The following ZNF451 variants were observed in gnomAD, a reference collection of about 807,000 sequenced individuals.
ZNF451 encodes zinc finger protein 451, also known as E3 SUMO-protein ligase ZNF451.
Under a neutral mutation model 107.1 loss-of-function variants are expected in ZNF451, and 80 were observed. The observed-to-expected ratio is 0.75, with a 90% confidence interval of 0.62 to 0.90. ZNF451 has a LOEUF of 0.90. Among genes scored for constraint, ZNF451 ranks in the 40% least tolerant of loss-of-function variants. ZNF451 has a pLI of 0.00. For missense variants in ZNF451, 1,107 were observed against 1,236.2 expected, an observed-to-expected ratio of 0.90 and a Z score of 1.57; for synonymous variants, 362 against 406.5, an observed-to-expected ratio of 0.89 and a Z score of 1.32.
At chr6:57,106,123 A>C (rs191866563) in intron 3 of ZNF451, 1 of 985,386 alleles carries the variant, frequency 1.0e-6, no homozygotes, top group East Asian at 1.1e-4. Context: ...CAGGTACTGT[A>C]AACAAGGAGG....
intron 3 of ZNF451, chr6:57,114,782 T>G (rs1414274464): frequency 6.6e-6 from 1 of 152,324 alleles, no homozygotes; most frequent in East Asian, 1.9e-4. Flanking sequence ...TTGTATAGTC[T>G]TCTTCATTAA....
chr6:57,156,684 T>C (rs959793690), intron 13 of ZNF451, among the ~76,000 whole-genome samples: 1 of 152,194 alleles, frequency 6.6e-6, no homozygotes, highest in Non-Finnish European at 1.5e-5. Flanking sequence ...TCTCAACGCT[T>C]CTAGATGCCA....
intron 3 of ZNF451, chr6:57,105,322 A>C: frequency 1.0e-6 from 1 of 983,914 alleles, no homozygotes; most frequent in Non-Finnish European, 1.2e-6. Flanking sequence ...ATGTATATAG[A>C]GACAATATGG....
At chr6:57,097,427 A>G (rs566975100) in intron 2 of ZNF451, among the ~76,000 whole-genome samples, 41 of 152,278 alleles carry the variant, frequency 2.7e-4, no homozygotes, top group African/African-American at 9.6e-4. Context: ...TTCCTCAGCT[A>G]TTATTTCTTC....
Position 57,141,346 on chromosome 6 carries a change from T to A in ZNF451, c.747T>A (p.Ile249=). Residue 249 remains isoleucine (I), a synonymous_variant, in exon 8 of 15, where the codon ATT becomes ATA. Transcript: ENST00000370706. ...DGHNNNLLPQ[I]IQCFACPNCF... ...ATAACAACAACCTTCTTCCTCAGAT[T>A]ATTCAGTGTTTTGCATGTCCAAATT... 1 of 1,612,874 alleles carries A rather than the reference T, an allele frequency of 6.2e-7. No homozygotes were observed. The highest frequency in any genetic ancestry group is 8.5e-7 in the Non-Finnish European group (1 of 1,179,364).
At chr6:57,107,143 G>T (rs1829898688) in intron 3 of ZNF451, 5 of 985,332 alleles carry the variant, frequency 5.1e-6, no homozygotes, top group Non-Finnish European at 6.0e-6. Context: ...ATCTGGAAGT[G>T]GTCATAGTCC....
In ZNF451 at chr6:57,113,891, G is replaced by A. The variant is rs574109963; in HGVS notation, c.187-10843G>A. Among the ~76,000 whole-genome samples the A allele has an allele frequency of 2.0e-5, 3 of 152,232 alleles. No homozygotes were observed. The South Asian group carries it at 6.2e-4, about 32-fold the overall frequency. The stretch of plus-strand genomic sequence containing the variant: ...CCACCTCGGCCTCCCAAAGTGCTGG[G>A]ATTACAGGCGTGATCACGCCACCGC... On this transcript the variant is annotated intron_variant, in intron 3 of 14. Transcript: ENST00000370706.
intron 9 of ZNF451, among the ~76,000 whole-genome samples, chr6:57,146,641 C>T (rs866531185): frequency 1.1e-4 from 17 of 152,088 alleles, no homozygotes; most frequent in Middle Eastern, 3.4e-3. Flanking sequence ...GTTTTTATAC[C>T]AGTACATGTT....
chr6:57,105,214 C>T, intron 3 of ZNF451: 1 of 985,174 alleles, frequency 1.0e-6, no homozygotes, highest in Non-Finnish European at 1.2e-6. Flanking sequence ...TTCTAGGAGG[C>T]CTTGGAATAG....
chr6:57,150,063 G>A (rs1388977601), intron 10 of ZNF451, among the ~76,000 whole-genome samples: 5 of 152,092 alleles, frequency 3.3e-5, no homozygotes, highest in Non-Finnish European at 5.9e-5. Context: ...AAGTGGAAAA[G>A]TATGAAACAA....
chr6:57,107,625 G>A (rs544381516), intron 3 of ZNF451: 147 of 985,238 alleles, frequency 1.5e-4, no homozygotes, highest in Non-Finnish European at 1.7e-4. Context: ...AAGTTAACCC[G>A]TTTTCCGTAG....
At chr6:57,152,098 A>G (rs1832378165) in intron 11 of ZNF451, 123 bp from the exon 12 acceptor site, 1 of 793,660 alleles carries the variant, frequency 1.3e-6, no homozygotes, top group Non-Finnish European at 1.9e-6. Flanking sequence ...GAGTTCTTCC[A>G]CATTCTGATC....
At position 57,148,332 on chromosome 6, in the gene ZNF451, A is replaced by G; in HGVS notation, c.2247A>G (p.Gly749=). ...GTCTCCAAATCATGCTGGATAAAGG[A>G]AAACTGTGGTTTCGCTGCAGTTTAT... ...SRCLQIMLDK[G]KLWFRCSLCS... is the part of the protein sequence containing the mutation. The change falls in exon 10 of 15, where the codon GGA becomes GGG. Residue 749 remains glycine, a synonymous_variant. Transcript: ENST00000370706. The G allele has an allele frequency of 6.2e-7, 1 of 1,614,072 alleles. No homozygotes were observed. Among genetic ancestry groups the G allele is most frequent in the Middle Eastern group, 1.6e-4 (1 of 6,062 alleles).
At chr6:57,116,806 A>T (rs1172068105) in intron 3 of ZNF451, 1 of 151,976 alleles carries the variant, frequency 6.6e-6, no homozygotes, top group Non-Finnish European at 1.5e-5. Flanking sequence ...TTCCTTTTTA[A>T]GAAGAAAATA....
rs144629866 is a variant in ZNF451 at position 57,131,376 on chromosome 6, T to C, written c.425-1666T>C. Among the ~76,000 whole-genome samples the C allele has an allele frequency of 3.5e-3, 533 of 152,188 alleles. 1 individual carries two copies. Among genetic ancestry groups the C allele is most frequent in the African/African-American group, 0.012 (512 of 41,538 alleles). Reference sequence around the variant, plus strand: ...GCCTCCCCACCCCTCCACCCAGAAATTGGCTTCTCCAACTTTATTTTTATC... The same window carrying C: ...GCCTCCCCACCCCTCCACCCAGAAACTGGCTTCTCCAACTTTATTTTTATC... On this transcript the variant is annotated intron_variant, in intron 5 of 14. Coordinates refer to ENST00000370706, the MANE Select transcript of ZNF451 (RefSeq NM_001031623.3).
At chr6:57,116,440 A>C (rs1167119690) in intron 3 of ZNF451, 1 of 152,224 alleles carries the variant, frequency 6.6e-6, no homozygotes, top group Non-Finnish European at 1.5e-5. Flanking sequence ...AGCCCCAGCT[A>C]CTCGGGAGAC....
At chr6:57,148,823 C>A (rs1156779914) in intron 10 of ZNF451, 130 bp downstream of exon 10, 2 of 842,564 alleles carry the variant, frequency 2.4e-6, no homozygotes, top group Non-Finnish European at 3.5e-6. Flanking sequence ...ATGGTATATA[C>A]ATTTTAGGGG....
intron 5 of ZNF451, 97 bp from the exon 6 acceptor site, chr6:57,132,945 T>C (rs893904916): frequency 3.3e-6 from 4 of 1,211,078 alleles, no homozygotes; most frequent in Non-Finnish European, 3.5e-6. Flanking sequence ...GTTGATGCTA[T>C]GTCATAATTT....
At chr6:57,106,108 C>T (rs1337721208) in intron 3 of ZNF451, 1 of 985,174 alleles carries the variant, frequency 1.0e-6, no homozygotes, top group African/African-American at 1.7e-5. Context: ...TCCAGGATAA[C>T]CTCTCAGGTA....
Sources: allele counts gnomAD v4.1 joint callset (sites outside exome capture counted in the v4.1 genomes callset), GRCh38; gene constraint gnomAD v4.1.1; transcripts MANE v1.5; gene names NCBI Gene and HGNC (gene_info 2026-07-23, HGNC 2026-07-21).